The following AP3M2 variants were observed in gnomAD, a reference collection of about 807,000 sequenced individuals.
The protein encoded by AP3M2 is AP-3 complex subunit mu-2.
A neutral mutation model predicts 41.6 loss-of-function variants in AP3M2; 28 were observed. That is an observed-to-expected ratio of 0.67 (90% confidence interval 0.50 to 0.92). The LOEUF (loss-of-function observed/expected upper bound fraction) is 0.92. Ranked by LOEUF, AP3M2 falls within the 40% of genes least tolerant of loss-of-function variation. The pLI, the probability that AP3M2 is intolerant of heterozygous loss-of-function variation, is 0.00. For missense variants in AP3M2, 427 were observed against 521.4 expected (o/e 0.82, Z 1.76); for synonymous variants, 193 against 186.4 (o/e 1.04, Z -0.29).
rs1804313680 is a variant in AP3M2, at chr8:42,154,861, T to G, written c.174T>G (p.Ser58Arg). 4.3e-6 allele frequency: 7 copies of G among 1,613,994 alleles called. No individual in the cohort carries two copies. Among genetic ancestry groups the G allele is most frequent in the Non-Finnish European group, 5.9e-6 (7 of 1,180,028 alleles). Reference sequence around the variant, plus strand: ...CTACCCCTCACCACTATCTCTTAAGTGTTTACCGCCACAAGATCTTTTTTG... The same window carrying G: ...CTACCCCTCACCACTATCTCTTAAGGGTTTACCGCCACAAGATCTTTTTTG... Reference protein sequence around the residue: ...VIPTPHHYLLSVYRHKIFFVA... With the variant: ...VIPTPHHYLLRVYRHKIFFVA... Residue 58 changes from serine (S) to arginine (R), a missense_variant, in exon 2 of 9, where the codon AGT (serine) becomes AGG (arginine). Ser to Arg is a moderately radical substitution (Grantham distance 110, BLOSUM62 -1). Around this residue, in one of 3 missense-constraint regions of AP3M2, gnomAD observed 104 missense variants for 93.8 expected, o/e 1.11. Coordinates refer to ENST00000396926, the MANE Select transcript of AP3M2 (RefSeq NM_006803.4).
chr8:42,161,798 G>A (rs1307177365), intron 3 of AP3M2, among the ~76,000 whole-genome samples: 4 of 152,184 alleles, frequency 2.6e-5, no homozygotes, highest in Non-Finnish European at 5.9e-5. Flanking sequence ...GATCAACTTT[G>A]TGTTCTTTTC....
Position 42,154,835 on chromosome 8 carries a change from C to T in AP3M2, c.148C>T (p.Pro50Ser). 1 of 1,614,072 alleles carries T rather than the reference C, an allele frequency of 6.2e-7. No homozygotes were observed. Among genetic ancestry groups the T allele is most frequent in the South Asian group, 1.1e-5 (1 of 91,072 alleles). ...GGCAGAAAATGTGCCTCCGGTTATC[C>T]CTACCCCTCACCACTATCTCTTAAG... is the stretch of plus-strand genomic sequence containing the variant. ...TEAENVPPVIPTPHHYLLSVY... is the reference protein window; with the variant it reads ...TEAENVPPVISTPHHYLLSVY... The change falls in exon 2 of 9, where the codon CCT becomes TCT. Residue 50 changes from proline (P) to serine (S), a missense_variant. Pro to Ser is a moderately conservative substitution (Grantham distance 74). Transcript: ENST00000396926.
chr8:42,154,682 G>A lies in AP3M2; in HGVS notation c.-6G>A, dbSNP rs764908425. 3.1e-6 allele frequency: 5 copies of A among 1,612,138 alleles called. No individual in the cohort carries two copies. Among genetic ancestry groups the A allele is most frequent in the Middle Eastern group, 1.6e-4 (1 of 6,080 alleles). ...AGGCTTTCTTCTGTCACTGACAATC[G>A]CCACCATGATCCATAGTCTTTTCTT... On this transcript the variant is annotated 5_prime_UTR_variant, in exon 2 of 9. Coordinates refer to ENST00000396926, the MANE Select transcript of AP3M2 (RefSeq NM_006803.4).
In AP3M2 at chr8:42,154,871, C is replaced by T; in HGVS notation, c.184C>T (p.His62Tyr). 6.2e-7 allele frequency: 1 copy of T among 1,614,152 alleles called. No homozygotes were observed. Among genetic ancestry groups the T allele is most frequent in the Non-Finnish European group, 8.5e-7 (1 of 1,180,034 alleles). ...CCACTATCTCTTAAGTGTTTACCGCCACAAGATCTTTTTTGTGGCCGTGAT... is the reference window on the plus strand; with the variant it reads ...CCACTATCTCTTAAGTGTTTACCGCTACAAGATCTTTTTTGTGGCCGTGAT... ...PHHYLLSVYRHKIFFVAVIQT... is the reference protein window; with the variant it reads ...PHHYLLSVYRYKIFFVAVIQT... Residue 62 changes from histidine to tyrosine, a missense_variant, in exon 2 of 9, where the codon CAC becomes TAC. Coordinates refer to ENST00000396926, the MANE Select transcript of AP3M2 (RefSeq NM_006803.4).
intron 2 of AP3M2, among the ~76,000 whole-genome samples, chr8:42,156,872 G>A (rs1260665448): frequency 6.6e-6 from 1 of 152,080 alleles, no homozygotes; most frequent in Non-Finnish European, 1.5e-5. Flanking sequence ...AAAAAACTGA[G>A]GTGAAAACTC....
At chr8:42,164,795 G>A (rs1303191474) in intron 4 of AP3M2, among the ~76,000 whole-genome samples, 1 of 152,160 alleles carries the variant, frequency 6.6e-6, no homozygotes, top group Non-Finnish European at 1.5e-5. Context: ...ACTCCTTTAG[G>A]CTAATAACTA....
chr8:42,167,598 T>G, intron 7 of AP3M2, 68 bp from the exon 8 acceptor site: 1 of 1,556,092 alleles, frequency 6.4e-7, no homozygotes, highest in Non-Finnish European at 8.7e-7. Flanking sequence ...CTCAGCCACC[T>G]CAAATGCAGG....
chr8:42,164,040 G>A (rs995231515), intron 4 of AP3M2, among the ~76,000 whole-genome samples: 1 of 152,050 alleles, frequency 6.6e-6, no homozygotes, highest in Non-Finnish European at 1.5e-5. Flanking sequence ...CCTGAAGTGG[G>A]GTGGGCCTGA....
chr8:42,153,743 T>A (rs1218499367), intron 1 of AP3M2: 1 of 152,098 alleles, frequency 6.6e-6, no homozygotes, highest in African/African-American at 2.4e-5. Flanking sequence ...TCCAGCGGTC[T>A]GCCCGCGGAG....
intron 8 of AP3M2, 30 bp downstream of exon 8, chr8:42,167,840 A>G (rs748604751): frequency 5.7e-6 from 9 of 1,584,564 alleles, no homozygotes; most frequent in Admixed American, 2.0e-5. Flanking sequence ...AGAGGCTCCA[A>G]AGGGAACAAA....
chr8:42,169,152 C>T lies in AP3M2; in HGVS notation c.*91C>T, dbSNP rs537934641. 33 of 1,074,498 alleles carry T rather than the reference C, an allele frequency of 3.1e-5. No homozygotes were observed. The African/African-American group carries it at 4.8e-4, about 16-fold the overall frequency. The allele number at this position is 1,074,498 out of a possible 1,614,324, so 66.6% of individuals were successfully genotyped here. On this transcript the variant is annotated 3_prime_UTR_variant, in exon 9 of 9. Transcript: ENST00000396926. ...AAAAATATCAGCCTGTCTCCTAGGT[C>T]AGTCCCCTCCTGGACCCACCCGCTC...
At chr8:42,165,684 A>G in intron 6 of AP3M2, 124 bp downstream of exon 6, 1 of 1,225,754 alleles carries the variant, frequency 8.2e-7, no homozygotes, top group Non-Finnish European at 1.1e-6. Context: ...TTCTGTGGTT[A>G]CTAATTGGGT....
At position 42,170,074 on chromosome 8, in the gene AP3M2, G is replaced by C. The variant is rs574312892; in HGVS notation, c.*1013G>C. 3.3e-4 allele frequency: 51 copies of C among 152,342 alleles called. No homozygotes were observed. Among genetic ancestry groups the C allele is most frequent in the African/African-American group, 1.2e-3 (51 of 41,566 alleles). 9.4% of individuals were successfully genotyped at this position (152,342 alleles called of 1,614,324 possible). On this transcript the variant is annotated 3_prime_UTR_variant, in exon 9 of 9. Coordinates refer to ENST00000396926, the MANE Select transcript of AP3M2 (RefSeq NM_006803.4). ...TTCCCATGAAGGTGAGCACAGCTGT[G>C]AGTGAGTGAGCTCATATCTCCATTT...
At position 42,169,616 on chromosome 8, in the gene AP3M2, G is replaced by A. The variant is rs1804739959; in HGVS notation, c.*555G>A. 1 of 152,178 alleles carries A rather than the reference G, an allele frequency of 6.6e-6. No individual in the cohort carries two copies. The highest frequency in any genetic ancestry group is 2.4e-5 in the African/African-American group (1 of 41,432). The allele number at this position is 152,178 out of a possible 1,614,324, so 9.4% of individuals were successfully genotyped here. ...CTTAAGGAGGGATGGGAAGGAAAGA[G>A]TTGAGTTGGTTTCTTTCTGATTCCT... On this transcript the variant is annotated 3_prime_UTR_variant, in exon 9 of 9. Coordinates refer to ENST00000396926, the MANE Select transcript of AP3M2 (RefSeq NM_006803.4).
intron 4 of AP3M2, 52 bp from the exon 5 acceptor site, chr8:42,165,019 G>A: frequency 1.3e-6 from 2 of 1,517,978 alleles, no homozygotes; most frequent in Admixed American, 1.8e-5. Context: ...TGTTGAGAAG[G>A]ACAGAGAAGT....
rs763905089 is a variant in AP3M2 at position 42,167,791 on chromosome 8, C to T, written c.1137C>T (p.Ile379=). ...CCACAATTAACCTGCAGTTTAAGAT[C>T]CAGCAGCTGGCCATTTCTGGTAAGT... The part of the protein sequence containing the change: ...ENPTINLQFK[I]QQLAISGLKV... Residue 379 remains isoleucine (I), a synonymous_variant, in exon 8 of 9, where the codon ATC becomes ATT. Transcript: ENST00000396926. 1 of 1,612,926 alleles carries T rather than the reference C, an allele frequency of 6.2e-7. No individual in the cohort carries two copies. The highest frequency in any genetic ancestry group is 1.7e-5 in the Admixed American group (1 of 59,644).
chr8:42,158,519 G>A (rs1305995695), intron 3 of AP3M2, among the ~76,000 whole-genome samples: 1 of 152,120 alleles, frequency 6.6e-6, no homozygotes, highest in African/African-American at 2.4e-5. Flanking sequence ...AAAGTGCTGG[G>A]ATTACAGGTG....
At chr8:42,159,093 C>T (rs1457507364) in intron 3 of AP3M2, among the ~76,000 whole-genome samples, 1 of 152,174 alleles carries the variant, frequency 6.6e-6, no homozygotes, top group Non-Finnish European at 1.5e-5. Context: ...CTATGCCTGG[C>T]CTTCATTTTT....
intron 2 of AP3M2, chr8:42,155,945 T>C: frequency 2.2e-6 from 1 of 455,118 alleles, no homozygotes; most frequent in Non-Finnish European, 4.4e-6. Flanking sequence ...AGAATTAAAA[T>C]ACATTTTTTG....
Sources: allele counts gnomAD v4.1 joint callset (sites outside exome capture counted in the v4.1 genomes callset), GRCh38; gene constraint gnomAD v4.1.1; regional missense constraint gnomAD v4.1.1; transcripts MANE v1.5; gene names NCBI Gene and HGNC (gene_info 2026-07-23, HGNC 2026-07-21).